SLC35A1: variants seen among roughly 807,000 people sequenced by gnomAD.
SLC35A1 encodes CMP-sialic acid transporter.
SLC35A1 carries 21 observed loss-of-function variants against 40.3 expected under a neutral mutation model. That is an observed-to-expected ratio of 0.52 (90% CI 0.37 to 0.75). SLC35A1 has a LOEUF of 0.75. Ranked by LOEUF, SLC35A1 falls within the 30% of genes least tolerant of loss-of-function variation. The pLI is 0.00. For synonymous variants in SLC35A1, 146 were observed against 147.3 expected (o/e 0.99, Z 0.06); for missense variants, 297 against 382.1 (o/e 0.78, Z 1.86).
Position 87,508,581 on chromosome 6 carries a change from G to A in SLC35A1, c.736G>A (p.Val246Ile), listed in dbSNP as rs1562027675. ...KGFFYGYTYYVWFVIFLASVG... is the reference protein window; with the variant it reads ...KGFFYGYTYYIWFVIFLASVG... The stretch of plus-strand genomic sequence containing the variant: ...ATTTTTCTATGGTTACACATATTAT[G>A]TCTGGTTTGTCATCTGTAAGTATCC... Residue 246 changes from valine to isoleucine, a missense_variant, in exon 6 of 8, where the codon GTC becomes ATC. Physicochemically the swap from Val to Ile is conservative, Grantham distance 29 (BLOSUM62 3). Coordinates refer to ENST00000369552, the MANE Select transcript of SLC35A1 (RefSeq NM_006416.5). 1.9e-6 allele frequency: 3 copies of A among 1,612,360 alleles called. No homozygotes were observed. The highest frequency in any genetic ancestry group is 2.5e-6 in the Non-Finnish European group (3 of 1,179,378).
intron 4 of SLC35A1, among the ~76,000 whole-genome samples, chr6:87,501,538 C>A (rs1769923946): frequency 6.6e-6 from 1 of 152,114 alleles, no homozygotes; most frequent in African/African-American, 2.4e-5. Flanking sequence ...ATGGAACATA[C>A]CTTAGAAATA....
rs1769200732 is a variant in SLC35A1, at chr6:87,479,993, A to G, written c.194+2454A>G. 5.9e-5 allele frequency among the ~76,000 whole-genome samples: 9 copies of G among 152,186 alleles called. No individual in the cohort carries two copies. In the South Asian group the frequency reaches 1.9e-3, roughly 32 times the overall value. ...AATGCCAGAGTAAAAGGGATAGCCA[A>G]TTGAACTAGAGCATAACTACTGCTC... On this transcript the variant is annotated intron_variant, in intron 2 of 7. Transcript: ENST00000369552.
Position 87,477,353 on chromosome 6 carries a change from A to G in SLC35A1, c.17-9A>G. On this transcript the variant is annotated splice_polypyrimidine_tract_variant and intron_variant, in intron 1 of 7. Coordinates refer to ENST00000369552, the MANE Select transcript of SLC35A1 (RefSeq NM_006416.5). ...ACTAAGTAATGTCTTTGTTGCACGTATTTTCCAGACAATGTCACTTTATTA... is the reference window on the plus strand; with the variant it reads ...ACTAAGTAATGTCTTTGTTGCACGTGTTTTCCAGACAATGTCACTTTATTA... 1 of 1,610,526 alleles carries G rather than the reference A, an allele frequency of 6.2e-7. No homozygotes were observed.
intron 4 of SLC35A1, among the ~76,000 whole-genome samples, chr6:87,503,423 C>T (rs34054042): frequency 0.035 from 5,257 of 152,290 alleles, 113 homozygotes; most frequent in Middle Eastern, 0.054. Context: ...CACACACTTA[C>T]GGATTGTACC....
intron 2 of SLC35A1, among the ~76,000 whole-genome samples, chr6:87,497,800 C>T (rs994784091): frequency 1.3e-5 from 2 of 152,198 alleles, no homozygotes; most frequent in South Asian, 2.1e-4. Flanking sequence ...GGCATCATAG[C>T]TCACTGTAGC....
intron 4 of SLC35A1, among the ~76,000 whole-genome samples, chr6:87,504,025 A>T (rs1167773447): frequency 6.6e-6 from 1 of 152,198 alleles, no homozygotes; most frequent in African/African-American, 2.4e-5. Flanking sequence ...TTTTCTTGAT[A>T]GTCTTTTAAA....
chr6:87,508,661 T>C, intron 6 of SLC35A1, 65 bp downstream of exon 6: 1 of 1,218,776 alleles, frequency 8.2e-7, no homozygotes, highest in Non-Finnish European at 1.2e-6. Context: ...TAGATGTCCA[T>C]TTTAAGCTGT....
intron 3 of SLC35A1, 71 bp from the exon 4 acceptor site, chr6:87,501,087 T>TA: frequency 7.5e-7 from 1 of 1,341,042 alleles, no homozygotes; most frequent in South Asian, 1.2e-5. Flanking sequence ...TTATCAATGA[T>TA]ACCAGAAATA....
At chr6:87,490,560 C>T (rs1341005676) in intron 2 of SLC35A1, among the ~76,000 whole-genome samples, 1 of 152,000 alleles carries the variant, frequency 6.6e-6, no homozygotes, top group Non-Finnish European at 1.5e-5. Context: ...TCTCGAACTC[C>T]TGACCTCATG....
At position 87,477,296 on chromosome 6, in the gene SLC35A1, A is replaced by G. The variant is rs902400418; in HGVS notation, c.17-66A>G. 1.7e-5 allele frequency: 22 copies of G among 1,301,834 alleles called. No homozygotes were observed. The African/African-American group carries it at 3.3e-4, about 19-fold the overall frequency. 80.6% of individuals were successfully genotyped at this position (1,301,834 alleles called of 1,614,324 possible). ...TGGAAAGTATTTTTAGGCTATAACTAGTTTATTAACTTATATATACATATA... is the reference window on the plus strand; with the variant it reads ...TGGAAAGTATTTTTAGGCTATAACTGGTTTATTAACTTATATATACATATA... On this transcript the variant is annotated intron_variant, in intron 1 of 7. Transcript: ENST00000369552.
In SLC35A1 at chr6:87,475,427, A is replaced by G. The variant is rs541688741; in HGVS notation, c.17-1935A>G. 3.3e-5 allele frequency among the ~76,000 whole-genome samples: 5 copies of G among 152,340 alleles called. No homozygotes were observed. The East Asian group carries it at 5.8e-4, about 18-fold the overall frequency. On this transcript the variant is annotated intron_variant, in intron 1 of 7. Coordinates refer to ENST00000369552, the MANE Select transcript of SLC35A1 (RefSeq NM_006416.5). Reference sequence around the variant, plus strand: ...TGAAGTCATATTTCTTCCCTTGTGTAGGAAAGTTTTAGAACAAAGGAAGTA... The same window carrying G: ...TGAAGTCATATTTCTTCCCTTGTGTGGGAAAGTTTTAGAACAAAGGAAGTA...
rs112902347 is a variant in SLC35A1 at position 87,491,375 on chromosome 6, T to A, written c.195-9133T>A. ...ATTTCCTCTTCTTTGATGAGAAATCTTAGGCTGAGGGAAATTTTAATTTGC... is the reference window on the plus strand; with the variant it reads ...ATTTCCTCTTCTTTGATGAGAAATCATAGGCTGAGGGAAATTTTAATTTGC... On this transcript the variant is annotated intron_variant, in intron 2 of 7. Coordinates refer to ENST00000369552, the MANE Select transcript of SLC35A1 (RefSeq NM_006416.5). 9.7e-3 allele frequency among the ~76,000 whole-genome samples: 1,471 copies of A among 152,340 alleles called. 11 individuals are homozygous for A. The highest frequency in any genetic ancestry group is 0.034 in the African/African-American group (1,412 of 41,582).
intron 2 of SLC35A1, among the ~76,000 whole-genome samples, chr6:87,482,783 A>G (rs1411853610): frequency 6.6e-6 from 1 of 152,252 alleles, no homozygotes; most frequent in East Asian, 1.9e-4. Flanking sequence ...TTCTAACAGA[A>G]TAGCCCCATA....
rs1203039542 is a variant in SLC35A1 at position 87,501,265 on chromosome 6, A to G, written c.462A>G (p.Gly154=). ...QWVSVFMLCA[G]VTLVQWKPAQ... Reference sequence around the variant, plus strand: ...TTTCAGTTTTTATGCTGTGTGCTGGAGTTACGCTTGTACAGTGGAAACCAG... The same window carrying G: ...TTTCAGTTTTTATGCTGTGTGCTGGGGTTACGCTTGTACAGTGGAAACCAG... Residue 154 remains glycine, a synonymous_variant, in exon 4 of 8, where the codon GGA becomes GGG. Transcript: ENST00000369552. 2.5e-6 allele frequency: 4 copies of G among 1,614,088 alleles called. No homozygotes were observed. Among genetic ancestry groups the G allele is most frequent in the Non-Finnish European group, 3.4e-6 (4 of 1,180,004 alleles).
chr6:87,483,897 C>G (rs889793476), intron 2 of SLC35A1, among the ~76,000 whole-genome samples: 1 of 152,140 alleles, frequency 6.6e-6, no homozygotes, highest in African/African-American at 2.4e-5. Flanking sequence ...CAGGATCCGC[C>G]CTAAGCCATA....
chr6:87,491,774 C>G (rs1769558823), intron 2 of SLC35A1, among the ~76,000 whole-genome samples: 1 of 152,126 alleles, frequency 6.6e-6, no homozygotes. Context: ...CGACTGCTGC[C>G]TTTTTGCTGT....
intron 4 of SLC35A1, among the ~76,000 whole-genome samples, chr6:87,503,840 TTGG>T (rs1001501965): frequency 6.2e-4 from 95 of 152,326 alleles, no homozygotes; most frequent in Middle Eastern, 6.8e-3. Context: ...TGTTTCACAC[TTGG>T]TGAAGTCACA....
intron 5 of SLC35A1, chr6:87,506,811 G>A (rs1210803024): frequency 1.1e-5 from 3 of 278,508 alleles, no homozygotes; most frequent in Admixed American, 4.9e-5. Flanking sequence ...TGCTGCTTTA[G>A]GTTGTTAATG....
chr6:87,480,378 A>G (rs760869200), intron 2 of SLC35A1, among the ~76,000 whole-genome samples: 9 of 152,230 alleles, frequency 5.9e-5, no homozygotes, highest in Non-Finnish European at 1.3e-4. Flanking sequence ...AAAGGTAACA[A>G]CCTGGGCCTC....
Sources: allele counts gnomAD v4.1 joint callset (sites outside exome capture counted in the v4.1 genomes callset), GRCh38; gene constraint gnomAD v4.1.1; transcripts MANE v1.5; gene names NCBI Gene and HGNC (gene_info 2026-07-23, HGNC 2026-07-21).